The following ME3 variants were observed in gnomAD, a reference collection of about 807,000 sequenced individuals.
ME3 encodes NADP-dependent malic enzyme, mitochondrial.
Under a neutral mutation model 68.9 loss-of-function variants are expected in ME3, and 48 were observed. The ratio of observed to expected loss-of-function variants is 0.70; its 90% CI spans 0.55 to 0.89. The LOEUF is 0.89. Ranked by LOEUF, ME3 falls within the 40% of genes least tolerant of loss-of-function variation. ME3 has a pLI of 0.00. For synonymous variants in ME3, 320 were observed against 318.8 expected (o/e 1.00, Z -0.04); for missense variants, 675 against 797.4 (o/e 0.85, Z 1.85).
In ME3 at chr11:86,527,614, G is replaced by A. The variant is rs147652393; in HGVS notation, c.468-18747C>T. ...TTGAGGGCAGCCAGAGAGAAAGGTTGGGTTACCCACAAAGGGAAGCCCATC... is the reference window on the plus strand; with the variant it reads ...TTGAGGGCAGCCAGAGAGAAAGGTTAGGTTACCCACAAAGGGAAGCCCATC... On this transcript the variant is annotated intron_variant, in intron 4 of 14. Coordinates refer to ENST00000543262, the Ensembl canonical transcript of ME3. Among the ~76,000 whole-genome samples, 592 of 152,270 alleles carry A rather than the reference G, an allele frequency of 3.9e-3. 1 individual carries two copies. Among genetic ancestry groups the A allele is most frequent in the Middle Eastern group, 0.014 (4 of 294 alleles).
intron 4 of ME3, among the ~76,000 whole-genome samples, chr11:86,546,451 A>T (rs1172871355): frequency 6.6e-6 from 1 of 152,250 alleles, no homozygotes; most frequent in Non-Finnish European, 1.5e-5. Context: ...TCTATAAAGA[A>T]CTTAAACAAA....
chr11:86,544,919 T>A (rs906475438), intron 4 of ME3, among the ~76,000 whole-genome samples: 1 of 152,002 alleles, frequency 6.6e-6, no homozygotes, highest in Non-Finnish European at 1.5e-5. Context: ...TCCCTTTCGA[T>A]GAGGCAAAAA....
chr11:86,496,629 T>C (rs528083803), intron 6 of ME3, among the ~76,000 whole-genome samples: 13 of 152,274 alleles, frequency 8.5e-5, no homozygotes, highest in Admixed American at 7.2e-4. Flanking sequence ...TACTCAGAGA[T>C]AGGGACAAAG....
intron 2 of ME3, among the ~76,000 whole-genome samples, chr11:86,566,951 C>T (rs538735003): frequency 5.9e-5 from 9 of 152,014 alleles, no homozygotes; most frequent in Non-Finnish European, 1.2e-4. Context: ...GGCGCGATGG[C>T]TCATACCTGT....
chr11:86,599,478 G>A (rs1025540898), intron 2 of ME3, among the ~76,000 whole-genome samples: 2 of 152,202 alleles, frequency 1.3e-5, no homozygotes, highest in African/African-American at 2.4e-5. Context: ...CATCTGATTG[G>A]TGTACCTGAA....
intron 7 of ME3, among the ~76,000 whole-genome samples, chr11:86,474,070 A>C (rs956964968): frequency 6.6e-6 from 1 of 152,128 alleles, no homozygotes; most frequent in African/African-American, 2.4e-5. Flanking sequence ...TTGGCACGGA[A>C]GTCGTGGAAG....
At chr11:86,470,099 A>G (rs1017024663) in intron 7 of ME3, among the ~76,000 whole-genome samples, 1 of 152,158 alleles carries the variant, frequency 6.6e-6, no homozygotes, top group Admixed American at 6.5e-5. Flanking sequence ...GGTGCAGAGC[A>G]TTCCAGGGGC....
intron 2 of ME3, among the ~76,000 whole-genome samples, chr11:86,610,058 A>G (rs4245424): frequency 0.4 from 60,613 of 151,994 alleles, 12,715 homozygotes; most frequent in East Asian, 0.71. Context: ...CATACATTTC[A>G]TATAATGTCT....
intron 1 of ME3, 151 bp from the exon 2 acceptor site, chr11:86,672,109 T>C: frequency 4.7e-6 from 3 of 644,236 alleles, no homozygotes; most frequent in Non-Finnish European, 6.9e-6. Context: ...CCGCCACTCC[T>C]CGGCTGCCAC....
intron 7 of ME3, among the ~76,000 whole-genome samples, chr11:86,467,322 T>C (rs1228404403): frequency 6.6e-6 from 1 of 152,190 alleles, no homozygotes; most frequent in Non-Finnish European, 1.5e-5. Context: ...ATAGAACAAA[T>C]GCTGATGGAG....
At chr11:86,441,859 G>T (rs1949012965) in intron 14 of ME3, among the ~76,000 whole-genome samples, 1 of 152,044 alleles carries the variant, frequency 6.6e-6, no homozygotes, top group South Asian at 2.1e-4. Context: ...GGTTAAATTG[G>T]ATGAACAGCC....
At chr11:86,446,203 C>A in intron 13 of ME3, 111 bp downstream of exon 13, 1 of 1,288,670 alleles carries the variant, frequency 7.8e-7, no homozygotes, top group South Asian at 1.4e-5. Context: ...TGGGAATCCA[C>A]TGGCAATGTT....
chr11:86,572,860 C>G (rs1957880656), intron 2 of ME3, among the ~76,000 whole-genome samples: 1 of 152,198 alleles, frequency 6.6e-6, no homozygotes, highest in African/African-American at 2.4e-5. Context: ...GCCACACTGT[C>G]TTCCACAATG....
intron 4 of ME3, among the ~76,000 whole-genome samples, chr11:86,533,413 G>A (rs1955404710): frequency 6.6e-6 from 1 of 152,046 alleles, no homozygotes; most frequent in Non-Finnish European, 1.5e-5. Context: ...ATGAATTCTT[G>A]GCAACATAGT....
intron 2 of ME3, among the ~76,000 whole-genome samples, chr11:86,642,253 A>C (rs148576099): frequency 6.6e-6 from 1 of 152,210 alleles, no homozygotes; most frequent in South Asian, 2.1e-4. Flanking sequence ...TCGGTTTTCC[A>C]TGGGACTAAG....
intron 2 of ME3, 106 bp from the exon 3 acceptor site, chr11:86,559,929 A>G: frequency 6.4e-6 from 8 of 1,243,598 alleles, no homozygotes; most frequent in Non-Finnish European, 8.6e-6. Flanking sequence ...GTGACTCAGT[A>G]GAAAGGGCCC....
At chr11:86,610,590 C>T (rs1375391070) in intron 2 of ME3, among the ~76,000 whole-genome samples, 2 of 152,078 alleles carry the variant, frequency 1.3e-5, no homozygotes, top group Non-Finnish European at 2.9e-5. Context: ...GAGCGACTCA[C>T]ATCCCTTGCT....
At chr11:86,534,081 GTATATA>G (rs57566563) in intron 4 of ME3, among the ~76,000 whole-genome samples, 1,376 of 127,492 alleles carry the variant, frequency 0.011, 22 homozygotes, top group African/African-American at 0.036. Context: ...GTGTGTGTGT[GTATATA>G]TATATATATA....
chr11:86,550,553 C>A (rs776545392), intron 4 of ME3, among the ~76,000 whole-genome samples: 2 of 152,202 alleles, frequency 1.3e-5, no homozygotes, highest in Non-Finnish European at 2.9e-5. Flanking sequence ...GACGCCTTTC[C>A]AGCAGCACAG....
Sources: gnomAD v4.1 joint callset for allele counts (sites outside exome capture counted in the v4.1 genomes callset) on GRCh38, gnomAD v4.1.1 for gene constraint, MANE v1.5 for transcripts, NCBI Gene and HGNC (gene_info 2026-07-23, HGNC 2026-07-21) for gene names.